The following EPB41L5 variants were observed in gnomAD, a reference collection of about 807,000 sequenced individuals.
EPB41L5 encodes the protein erythrocyte membrane protein band 4.1 like 5.
A neutral mutation model predicts 106.6 loss-of-function variants in EPB41L5; 55 were observed. The observed-to-expected ratio is 0.52, with a 90% CI of 0.42 to 0.65. The LOEUF is 0.65. Ranked by LOEUF, EPB41L5 falls within the 30% of genes least tolerant of loss-of-function variation. EPB41L5 has a pLI of 0.00. For missense variants in EPB41L5, 871 were observed against 882.1 expected (o/e 0.99, Z 0.16); for synonymous variants, 297 against 306.7 (o/e 0.97, Z 0.33).
rs1470722011 is a variant in EPB41L5 at position 120,127,855 on chromosome 2, A to C, written c.1501+4A>C. 1.2e-6 allele frequency: 2 copies of C among 1,604,530 alleles called. No individual in the cohort carries two copies. Among genetic ancestry groups the C allele is most frequent in the Non-Finnish European group, 1.7e-6 (2 of 1,173,088 alleles). On this transcript the variant is annotated splice_donor_region_variant and intron_variant, in intron 17 of 24. Coordinates refer to ENST00000263713, the MANE Select transcript of EPB41L5 (RefSeq NM_020909.4). ...GAACCTGAAGTTGAATATGAGAGTA[A>C]GTAAATGTTCCATTATACATCAGTG...
chr2:120,138,168 TA>T (rs1686009757), intron 18 of EPB41L5, among the ~76,000 whole-genome samples: 2 of 151,482 alleles, frequency 1.3e-5, no homozygotes, highest in South Asian at 4.2e-4. Flanking sequence ...CCTTTGTGAT[TA>T]AGAAAAAAAA....
In EPB41L5 at chr2:120,179,006, A is replaced by G. The variant is rs1260774759; in HGVS notation, c.*4099A>G. ...TTTCTATCAAGTGCACTATTCATTT[A>G]GTGTGTTCCAGTTTTATATGACTTG... is the stretch of plus-strand genomic sequence containing the variant. On this transcript the variant is annotated 3_prime_UTR_variant, in exon 25 of 25. Transcript: ENST00000263713. 6.6e-6 allele frequency: 1 copy of G among 152,202 alleles called. No individual in the cohort carries two copies. The highest frequency in any genetic ancestry group is 2.4e-5 in the African/African-American group (1 of 41,450). 9.4% of individuals were successfully genotyped at this position (152,202 alleles called of 1,614,324 possible). A position where few individuals can be genotyped will look rare whatever the true frequency, so the allele number is the denominator to read the frequency against.
intron 18 of EPB41L5, among the ~76,000 whole-genome samples, chr2:120,133,153 G>A (rs1685779780): frequency 6.6e-6 from 1 of 152,046 alleles, no homozygotes; most frequent in Non-Finnish European, 1.5e-5. Context: ...TTTAGTGAGG[G>A]TTTACTCTAT....
intron 3 of EPB41L5, among the ~76,000 whole-genome samples, chr2:120,060,731 ACAGAACTATACATGCACATTGTAC>A (rs1680979994): frequency 6.6e-6 from 1 of 152,174 alleles, no homozygotes; most frequent in African/African-American, 2.4e-5. Flanking sequence ...ATAAAATGAC[ACAGAACTATACATGCACATTGTAC>A]CAATGTTGGT....
At chr2:120,154,191 T>G (rs1245067185) in intron 20 of EPB41L5, among the ~76,000 whole-genome samples, 3 of 151,888 alleles carry the variant, frequency 2.0e-5, no homozygotes, top group Non-Finnish European at 4.4e-5. Context: ...CAAGTTTCAC[T>G]CTTGTTGCCC....
At chr2:120,083,685 A>G (rs1028185209) in intron 10 of EPB41L5, among the ~76,000 whole-genome samples, 3 of 152,078 alleles carry the variant, frequency 2.0e-5, no homozygotes, top group Admixed American at 6.6e-5. Context: ...CGATCTGTCT[A>G]ATGTTGACAG....
At chr2:120,112,661 T>G (rs536505063) in intron 16 of EPB41L5, among the ~76,000 whole-genome samples, 3 of 152,244 alleles carry the variant, frequency 2.0e-5, no homozygotes, top group African/African-American at 7.2e-5. Context: ...GAAAAGAAAA[T>G]TCTAAAGTAG....
chr2:120,126,244 C>T (rs1177796296), intron 16 of EPB41L5, among the ~76,000 whole-genome samples: 2 of 151,990 alleles, frequency 1.3e-5, no homozygotes, highest in South Asian at 2.1e-4. Context: ...GCAAAAATTT[C>T]CCCCCCAATT....
intron 3 of EPB41L5, among the ~76,000 whole-genome samples, chr2:120,054,178 G>A (rs1381460476): frequency 6.6e-6 from 1 of 152,092 alleles, no homozygotes; most frequent in Non-Finnish European, 1.5e-5. Context: ...ATCTTTTCAT[G>A]TGCTTGTTTG....
intron 10 of EPB41L5, among the ~76,000 whole-genome samples, chr2:120,079,879 T>C (rs1682520667): frequency 6.6e-6 from 1 of 152,144 alleles, no homozygotes; most frequent in African/African-American, 2.4e-5. Context: ...CTTTCCTGTG[T>C]TCTCAGCTAG....
intron 14 of EPB41L5, among the ~76,000 whole-genome samples, chr2:120,099,458 C>T (rs926056361): frequency 6.6e-6 from 1 of 150,420 alleles, no homozygotes; most frequent in Non-Finnish European, 1.5e-5. Flanking sequence ...GATGGAGTCT[C>T]GCCCTGTCGC....
rs768780457 is a variant in EPB41L5, at chr2:120,075,465, A to G, written c.408-11A>G. 1.3e-6 allele frequency: 2 copies of G among 1,572,830 alleles called. No individual in the cohort carries two copies. The highest frequency in any genetic ancestry group is 8.7e-7 in the Non-Finnish European group (1 of 1,144,984). On this transcript the variant is annotated splice_polypyrimidine_tract_variant and intron_variant, in intron 5 of 24. Coordinates refer to ENST00000263713, the MANE Select transcript of EPB41L5 (RefSeq NM_020909.4). ...CTGTTGGGTTAAATTTGTGCCTTTC[A>G]TTTTTCTTAGGTATTTATTTGTTCT...
chr2:120,171,704 T>G (rs1275369098), intron 24 of EPB41L5, among the ~76,000 whole-genome samples: 2 of 152,224 alleles, frequency 1.3e-5, no homozygotes, highest in African/African-American at 4.8e-5. Flanking sequence ...CTGATGAAAT[T>G]GCCAGGAATC....
At chr2:120,041,478 A>G (rs1679400482) in intron 2 of EPB41L5, among the ~76,000 whole-genome samples, 1 of 152,058 alleles carries the variant, frequency 6.6e-6, no homozygotes, top group African/African-American at 2.4e-5. Context: ...TTATGCTCTC[A>G]TATTCCCCGC....
intron 3 of EPB41L5, among the ~76,000 whole-genome samples, chr2:120,062,167 TG>T (rs1236565405): frequency 1.3e-5 from 2 of 152,208 alleles, no homozygotes; most frequent in Non-Finnish European, 2.9e-5. Context: ...AAATTATCAC[TG>T]GCAAATGATT....
chr2:120,161,090 A>G (rs953732332), intron 21 of EPB41L5, 116 bp downstream of exon 21: 4 of 769,096 alleles, frequency 5.2e-6, no homozygotes, highest in Non-Finnish European at 8.9e-6. Flanking sequence ...AAGATGTGAG[A>G]AGAGCAGCCG....
intron 10 of EPB41L5, among the ~76,000 whole-genome samples, chr2:120,085,100 TC>T (rs1156592616): frequency 1.3e-5 from 2 of 152,322 alleles, no homozygotes; most frequent in East Asian, 3.9e-4. Context: ...AGAAGTTTGA[TC>T]ATCTGAAGCC....
chr2:120,167,344 C>CATTAAGA (rs775550318), intron 22 of EPB41L5, 122 bp from the exon 23 acceptor site: 10 of 778,778 alleles, frequency 1.3e-5, no homozygotes, highest in Non-Finnish European at 2.1e-5. Context: ...CAAGGAACAC[C>CATTAAGA]ATTAAGAATT....
At chr2:120,147,585 A>G (rs1254847856) in intron 20 of EPB41L5, among the ~76,000 whole-genome samples, 1 of 145,444 alleles carries the variant, frequency 6.9e-6, no homozygotes, top group Admixed American at 7.3e-5. Flanking sequence ...TGATCGTGCC[A>G]CTGCACTCCA....
Sources: gnomAD v4.1 joint callset for allele counts (sites outside exome capture counted in the v4.1 genomes callset) on GRCh38, gnomAD v4.1.1 for gene constraint, MANE v1.5 for transcripts, NCBI Gene and HGNC (gene_info 2026-07-23, HGNC 2026-07-21) for gene names.